C9: variants seen among roughly 807,000 people sequenced by gnomAD.
C9 encodes the protein complement component C9.
C9 carries 63 observed loss-of-function variants against 65.4 expected under a neutral mutation model. The observed-to-expected ratio is 0.96, with a 90% CI of 0.79 to 1.19. The LOEUF (loss-of-function observed/expected upper bound fraction) is 1.19, where lower values mean the gene tolerates loss of function less well. Among genes scored for constraint, C9 ranks in the 50% most tolerant of loss-of-function variants. C9 has a pLI of 0.00. For missense variants in C9, 744 were observed against 670.1 expected (o/e 1.11, Z -1.22); for synonymous variants, 229 against 227.9 (o/e 1.00, Z -0.04).
At position 39,286,654 on chromosome 5, in the gene C9, T is replaced by C. The variant is rs577132238; in HGVS notation, c.1646-1421A>G. ...AGAGAAATCAGCAGAATATTCTACA[T>C]AGAGAGAAATAGGTAGAAAATAGAC... On this transcript the variant is annotated intron_variant, in intron 10 of 10. Coordinates refer to ENST00000263408, the MANE Select transcript of C9 (RefSeq NM_001737.5). 4.3e-4 allele frequency among the ~76,000 whole-genome samples: 66 copies of C among 152,006 alleles called. 1 individual carries two copies. The South Asian group carries it at 0.013, about 30-fold the overall frequency.
rs551779901 is a variant in C9, at chr5:39,334,005, C to T, written c.477-2191G>A. 5.4e-3 allele frequency among the ~76,000 whole-genome samples: 827 copies of T among 152,100 alleles called. 5 individuals are homozygous for T. Among genetic ancestry groups the T allele is most frequent in the African/African-American group, 0.012 (491 of 41,468 alleles). ...CGCCTGCCTTGGCCCCCCAAAGTGCCGAGATTGCAGCCTCTGCCCGGCCGC... is the reference window on the plus strand; with the variant it reads ...CGCCTGCCTTGGCCCCCCAAAGTGCTGAGATTGCAGCCTCTGCCCGGCCGC... On this transcript the variant is annotated intron_variant, in intron 4 of 10. Transcript: ENST00000263408.
chr5:39,357,971 G>C (rs527958382), intron 1 of C9, among the ~76,000 whole-genome samples: 1 of 152,242 alleles, frequency 6.6e-6, no homozygotes, highest in Admixed American at 6.5e-5. Context: ...TGGAGAGAGA[G>C]AGAGAGAGAT....
At chr5:39,289,405 T>C (rs1753049225) in intron 9 of C9, among the ~76,000 whole-genome samples, 1 of 151,414 alleles carries the variant, frequency 6.6e-6, no homozygotes, top group Admixed American at 6.6e-5. Context: ...AAGTCCAGAA[T>C]GCCCCTGAAG....
At chr5:39,285,701 T>G (rs1752980106) in intron 10 of C9, among the ~76,000 whole-genome samples, 1 of 78,014 alleles carries the variant, frequency 1.3e-5, no homozygotes, top group African/African-American at 3.3e-5. Flanking sequence ...GTTTTGTTTC[T>G]TTTTTTTTTT....
At chr5:39,348,956 G>T (rs539336142) in intron 1 of C9, among the ~76,000 whole-genome samples, 1 of 143,044 alleles carries the variant, frequency 7.0e-6, no homozygotes, top group Admixed American at 7.1e-5. Context: ...TCACTCATAG[G>T]TAGGGATTGA....
chr5:39,329,053 A>C (rs529188274), intron 5 of C9, among the ~76,000 whole-genome samples: 12 of 152,358 alleles, frequency 7.9e-5, no homozygotes, highest in Non-Finnish European at 1.6e-4. Context: ...GAAGAATTAT[A>C]ATGAACACCT....
At chr5:39,292,990 A>T (rs1175863419) in intron 9 of C9, among the ~76,000 whole-genome samples, 2 of 151,852 alleles carry the variant, frequency 1.3e-5, no homozygotes, top group East Asian at 1.9e-4. Flanking sequence ...TAATGAATAA[A>T]CAAGATTTAA....
intron 1 of C9, among the ~76,000 whole-genome samples, chr5:39,343,138 A>G (rs1199906992): frequency 6.6e-6 from 1 of 152,040 alleles, no homozygotes; most frequent in African/African-American, 2.4e-5. Flanking sequence ...TTTCCAACTG[A>G]GGTACCGGGT....
At chr5:39,321,283 G>A (rs1187844027) in intron 5 of C9, among the ~76,000 whole-genome samples, 1 of 151,968 alleles carries the variant, frequency 6.6e-6, no homozygotes, top group Non-Finnish European at 1.5e-5. Context: ...CAAAATGTGG[G>A]GAGGAAAAGT....
intron 9 of C9, among the ~76,000 whole-genome samples, chr5:39,305,692 C>A (rs1481087890): frequency 1.3e-5 from 2 of 151,834 alleles, no homozygotes; most frequent in Non-Finnish European, 2.9e-5. Flanking sequence ...TATATCTTTA[C>A]AATGATAACA....
At chr5:39,307,450 G>A (rs1753402167) in intron 8 of C9, among the ~76,000 whole-genome samples, 1 of 152,080 alleles carries the variant, frequency 6.6e-6, no homozygotes, top group African/African-American at 2.4e-5. Context: ...GTTAGCTTAA[G>A]GACCAAATAT....
chr5:39,311,394 A>G lies in C9; in HGVS notation c.871-17T>C, dbSNP rs753399629. On this transcript the variant is annotated splice_polypyrimidine_tract_variant and intron_variant, in intron 6 of 10. Coordinates refer to ENST00000263408, the MANE Select transcript of C9 (RefSeq NM_001737.5). Reference sequence around the variant, plus strand: ...CATTTTTTCCTGTGTTGTAGAGCAGATGAAGAAGAGAAACATGTGTTTTAT... The same window carrying G: ...CATTTTTTCCTGTGTTGTAGAGCAGGTGAAGAAGAGAAACATGTGTTTTAT... 1 of 1,608,822 alleles carries G rather than the reference A, an allele frequency of 6.2e-7. No homozygotes were observed. Among genetic ancestry groups the G allele is most frequent in the Non-Finnish European group, 8.5e-7 (1 of 1,177,872 alleles).
At chr5:39,338,516 G>T (rs1167233282) in intron 4 of C9, among the ~76,000 whole-genome samples, 1 of 152,136 alleles carries the variant, frequency 6.6e-6, no homozygotes, top group Non-Finnish European at 1.5e-5. Flanking sequence ...ATACAGTGTG[G>T]AAAAATATTT....
chr5:39,311,262 G>A lies in C9; in HGVS notation c.986C>T (p.Thr329Ile), dbSNP rs766524659. 1.9e-6 allele frequency: 3 copies of A among 1,613,702 alleles called. No homozygotes were observed. Among genetic ancestry groups the A allele is most frequent in the Non-Finnish European group, 2.5e-6 (3 of 1,179,816 alleles). The change falls in exon 7 of 11, where the codon ACC (threonine) becomes ATC (isoleucine). Residue 329 changes from threonine to isoleucine, a missense_variant. Transcript: ENST00000263408. Reference sequence around the variant, plus strand: ...GGCAAAATATTCTCCCTTTTCATAGGTAGTTGGCAAAGCTTTTATATCATC... The same window carrying A: ...GGCAAAATATTCTCCCTTTTCATAGATAGTTGGCAAAGCTTTTATATCATC... ...FVDDIKALPT[T>I]YEKGEYFAFL...
chr5:39,346,336 G>C (rs1042819502), intron 1 of C9, among the ~76,000 whole-genome samples: 3 of 152,134 alleles, frequency 2.0e-5, no homozygotes, highest in Non-Finnish European at 4.4e-5. Context: ...TGACAAAGGG[G>C]ATATCACCAC....
intron 7 of C9, among the ~76,000 whole-genome samples, chr5:39,309,333 T>C (rs1365525627): frequency 1.3e-5 from 2 of 151,968 alleles, no homozygotes. Flanking sequence ...AAATGCTTTA[T>C]GAAAAAGGAA....
chr5:39,347,349 A>G (rs1261940958), intron 1 of C9, among the ~76,000 whole-genome samples: 2 of 152,224 alleles, frequency 1.3e-5, no homozygotes, highest in Non-Finnish European at 2.9e-5. Context: ...TCAATGTGCA[A>G]AAATCCCAAG....
At chr5:39,357,527 C>T (rs1001745071) in intron 1 of C9, among the ~76,000 whole-genome samples, 16 of 151,254 alleles carry the variant, frequency 1.1e-4, no homozygotes, top group Admixed American at 7.3e-4. Context: ...ATGTCCTTGT[C>T]ATCATGAGGC....
chr5:39,343,037 GCCT>G (rs1754118966), intron 1 of C9, among the ~76,000 whole-genome samples: 1 of 152,050 alleles, frequency 6.6e-6, no homozygotes, highest in Non-Finnish European at 1.5e-5. Flanking sequence ...CTATAGTTAG[GCCT>G]CTTAAACCAC....
Sources: gnomAD v4.1 joint callset for allele counts (sites outside exome capture counted in the v4.1 genomes callset) on GRCh38, gnomAD v4.1.1 for gene constraint, MANE v1.5 for transcripts, NCBI Gene and HGNC (gene_info 2026-07-23, HGNC 2026-07-21) for gene names.